Variants in ZC3H4 observed in about 807,000 individuals in gnomAD.
ZC3H4 encodes zinc finger CCCH domain-containing protein 4.
ZC3H4 carries 13 observed loss-of-function variants against 108.3 expected under a neutral mutation model. The observed-to-expected ratio is 0.12, with a 90% CI of 0.08 to 0.19. The LOEUF (loss-of-function observed/expected upper bound fraction) is 0.19, where lower values mean the gene tolerates loss of function less well. ZC3H4 is among the 10% of genes least tolerant of loss of function. The pLI, the probability that ZC3H4 is intolerant of heterozygous loss-of-function variation, is 1.00. For missense variants in ZC3H4, 1,734 were observed against 1,838.8 expected, an observed-to-expected ratio of 0.94 and a Z score of 1.04; for synonymous variants, 917 against 749.6, an observed-to-expected ratio of 1.22 and a Z score of -3.65.
intron 1 of ZC3H4, among the ~76,000 whole-genome samples, chr19:47,112,978 G>A (rs574888640): frequency 6.6e-6 from 1 of 152,264 alleles, no homozygotes; most frequent in East Asian, 1.9e-4. Context: ...AGCGAGGGGG[G>A]TGGGGGGTTA....
chr19:47,103,035 T>C (rs1203168138), intron 2 of ZC3H4, among the ~76,000 whole-genome samples: 2 of 152,136 alleles, frequency 1.3e-5, no homozygotes, highest in African/African-American at 2.4e-5. Flanking sequence ...CCTGAGTATC[T>C]ATTCTTCCAC....
intron 2 of ZC3H4, among the ~76,000 whole-genome samples, chr19:47,101,470 T>TCTCCTGCCTTGGCCTC (rs1204536797): frequency 6.6e-6 from 1 of 151,932 alleles, no homozygotes; most frequent in African/African-American, 2.4e-5. Context: ...GCCTTGGCCT[T>TCTCCTGCCTTGGCCTC]CTCCTGCCTT....
At chr19:47,079,707 C>G (rs1450996653) in intron 11 of ZC3H4, among the ~76,000 whole-genome samples, 1 of 152,178 alleles carries the variant, frequency 6.6e-6, no homozygotes, top group African/African-American at 2.4e-5. Flanking sequence ...ACCAACCTGG[C>G]CAACATGGTG....
rs1444353819 is a variant in ZC3H4, at chr19:47,067,573, A to G, written c.2695T>C (p.Ser899Pro). ...GAATGAAGGCTGCCTTCGGGCTTGG[A>G]GGTGGGCAGGGCGCGAGCCAGCCGA... ...DPRLARALPT[S>P]KPEGSLHSSP... The change falls in exon 15 of 15, where the codon TCC (serine) becomes CCC (proline). Residue 899 changes from serine to proline, a missense_variant. This residue lies in a region of ZC3H4 where 540 missense variants were observed against 484.1 expected (regional missense o/e 1.12). Coordinates refer to ENST00000253048, the MANE Select transcript of ZC3H4 (RefSeq NM_015168.2). The surrounding 1 kb of genome is among the most constrained non-coding windows in gnomAD (Gnocchi z 6.4). 2 of 1,603,428 alleles carry G rather than the reference A, an allele frequency of 1.2e-6. No homozygotes were observed. The highest frequency in any genetic ancestry group is 8.5e-7 in the Non-Finnish European group (1 of 1,175,420).
chr19:47,110,910 G>C, intron 2 of ZC3H4: 1 of 985,284 alleles, frequency 1.0e-6, no homozygotes, highest in Non-Finnish European at 1.2e-6. Context: ...TGCTGCACTT[G>C]TGTCTCTGAA....
chr19:47,093,215 C>CAAAAA lies in ZC3H4; in HGVS notation c.492+750_492+754dup, dbSNP rs918382221. 6.2e-5 allele frequency among the ~76,000 whole-genome samples: 3 copies of CAAAAA among 48,418 alleles called. No homozygotes were observed. In the South Asian group the frequency reaches 2.3e-3, roughly 38 times the overall value. The allele number at this position is 48,418 out of a possible 152,430, so 31.8% of individuals were successfully genotyped here. A position where few individuals can be genotyped will look rare whatever the true frequency, so the allele number is the denominator to read the frequency against. ...TGGGCGACAGAGTGAGACTCTGCCT[C>CAAAAA]AAAAAAAAAAAAAAAAAAAAAAAAA... On this transcript the variant is annotated intron_variant, in intron 4 of 14. Transcript: ENST00000253048.
At chr19:47,068,908 CCT>C (rs1417530458) in intron 14 of ZC3H4, among the ~76,000 whole-genome samples, 182 bp downstream of exon 14, 5 of 152,178 alleles carry the variant, frequency 3.3e-5, no homozygotes, top group African/African-American at 7.2e-5. Context: ...GAAAGCCACC[CCT>C]GACTGCCAGT....
Position 47,082,262 on chromosome 19 carries a change from G to A in ZC3H4, c.1252C>T (p.Leu418Phe), listed in dbSNP as rs768491522. ...DHCNFSHDIE[L>F]PKKRELCKFY... ...TTGCACAGTTCTCGCTTCTTTGGGA[G>A]TTCGATGTCATGGCTAAAATTACAG... is the stretch of plus-strand genomic sequence containing the variant. Residue 418 changes from leucine to phenylalanine, a missense_variant, in exon 10 of 15, where the codon CTC becomes TTC. Leu to Phe is a conservative substitution (Grantham distance 22). This residue lies in a region of ZC3H4 where 66 missense variants were observed against 166.8 expected (regional missense o/e 0.40). Transcript: ENST00000253048. The A allele has an allele frequency of 1.2e-6, 2 of 1,613,964 alleles. No individual in the cohort carries two copies. Among genetic ancestry groups the A allele is most frequent in the Non-Finnish European group, 1.7e-6 (2 of 1,179,970 alleles).
chr19:47,072,052 C>A lies in ZC3H4; in HGVS notation c.1872G>T (p.Met624Ile), dbSNP rs1206860145. ...PGPNMGPPGPMGGPMHPDMHP... is the reference protein window; with the variant it reads ...PGPNMGPPGPIGGPMHPDMHP... ...GCATGTCAGGATGCATTGGACCGCCCATTGGCCCTGGGGGTCCCATGTTGG... is the reference window on the plus strand; with the variant it reads ...GCATGTCAGGATGCATTGGACCGCCAATTGGCCCTGGGGGTCCCATGTTGG... The change falls in exon 13 of 15, where the codon ATG (methionine) becomes ATT (isoleucine). Residue 624 changes from methionine to isoleucine, a missense_variant. Coordinates refer to ENST00000253048, the MANE Select transcript of ZC3H4 (RefSeq NM_015168.2). The surrounding 1 kb of genome is among the most constrained non-coding windows in gnomAD (Gnocchi z 5.6). 2 of 1,584,484 alleles carry A rather than the reference C, an allele frequency of 1.3e-6. No individual in the cohort carries two copies. Among genetic ancestry groups the A allele is most frequent in the Admixed American group, 1.8e-5 (1 of 54,756 alleles).
chr19:47,066,656 G>T lies in ZC3H4; in HGVS notation c.3612C>A (p.Ala1204=), dbSNP rs147880083. The T allele has an allele frequency of 9.9e-6, 16 of 1,611,790 alleles. No individual in the cohort carries two copies. The South Asian group carries it at 1.7e-4, about 17-fold the overall frequency. ...CCGTGGGGGTGCCCCCATCAGCACC[G>T]GCCTTCCCTGTCTCTGGCTGTTCCA... The part of the protein sequence containing the change: ...SALEQPETGK[A]GADGGTPTDR... Residue 1204 remains alanine, a synonymous_variant, in exon 15 of 15, where the codon GCC becomes GCA. Transcript: ENST00000253048.
At chr19:47,107,466 C>T (rs757670931) in intron 2 of ZC3H4, among the ~76,000 whole-genome samples, 42 of 152,224 alleles carry the variant, frequency 2.8e-4, no homozygotes, top group Middle Eastern at 3.4e-3. Context: ...CCACAGTCTT[C>T]CTCCACATCC....
chr19:47,075,621 TACAC>T (rs978577989), intron 11 of ZC3H4, among the ~76,000 whole-genome samples: 4 of 151,108 alleles, frequency 2.6e-5, no homozygotes, highest in Non-Finnish European at 4.4e-5. Flanking sequence ...CACACACACA[TACAC>T]ACACACACTC....
At chr19:47,073,948 A>G (rs1321405954) in intron 11 of ZC3H4, among the ~76,000 whole-genome samples, 1 of 152,088 alleles carries the variant, frequency 6.6e-6, no homozygotes, top group Non-Finnish European at 1.5e-5. Context: ...TCAACTCCTG[A>G]CCATGACCCT....
chr19:47,082,426 GA>G, intron 9 of ZC3H4, 131 bp from the exon 10 acceptor site: 1 of 707,162 alleles, frequency 1.4e-6, no homozygotes, highest in Non-Finnish European at 2.5e-6. Context: ...TCCCCCTTAG[GA>G]AAGGAAGACA....
chr19:47,067,732 C>T lies in ZC3H4; in HGVS notation c.2536G>A (p.Asp846Asn). 1 of 1,606,932 alleles carries T rather than the reference C, an allele frequency of 6.2e-7. No homozygotes were observed. The highest frequency in any genetic ancestry group is 8.5e-7 in the Non-Finnish European group (1 of 1,178,196). ...GGGTGTCCCTTCTGGAGGCGGGGGT[C>T]CCCCAGCCCACTGCTGCTCAGCTCC... is the stretch of plus-strand genomic sequence containing the variant. ...VGELSSSGLG[D>N]PRLQKGHPTG... The change falls in exon 15 of 15, where the codon GAC becomes AAC. Residue 846 changes from aspartate to asparagine, a missense_variant. Asp to Asn is a conservative substitution (Grantham distance 23). Around this residue, in one of 9 missense-constraint regions of ZC3H4, gnomAD observed 540 missense variants for 484.1 expected, o/e 1.12. Coordinates refer to ENST00000253048, the MANE Select transcript of ZC3H4 (RefSeq NM_015168.2). The surrounding 1 kb of genome is among the most constrained non-coding windows in gnomAD (Gnocchi z 6.4).
rs1422371048 is a variant in ZC3H4, at chr19:47,066,351, G to T, written c.*5C>A. The T allele has an allele frequency of 6.5e-7, 1 of 1,528,566 alleles. No individual in the cohort carries two copies. Among genetic ancestry groups the T allele is most frequent in the Admixed American group, 2.1e-5 (1 of 46,524 alleles). The allele number at this position is 1,528,566 out of a possible 1,614,324, so 94.7% of individuals were successfully genotyped here. A position where few individuals can be genotyped will look rare whatever the true frequency, so the allele number is the denominator to read the frequency against. On this transcript the variant is annotated 3_prime_UTR_variant, in exon 15 of 15. Coordinates refer to ENST00000253048, the MANE Select transcript of ZC3H4 (RefSeq NM_015168.2). ...GGTGGCTGGAGCCGCAGCTCTGGCTGGACACTACTGGCAAAAGGGGGAGGC... is the reference window on the plus strand; with the variant it reads ...GGTGGCTGGAGCCGCAGCTCTGGCTTGACACTACTGGCAAAAGGGGGAGGC...
At chr19:47,073,137 G>T (rs769196539) in intron 11 of ZC3H4, among the ~76,000 whole-genome samples, 100 of 151,748 alleles carry the variant, frequency 6.6e-4, no homozygotes, top group Non-Finnish European at 1.3e-3. Context: ...GCCAGGCATG[G>T]TAGTGCACGC....
At position 47,089,996 on chromosome 19, in the gene ZC3H4, C is replaced by G; in HGVS notation, c.686G>C (p.Arg229Pro). The change falls in exon 5 of 15, where the codon CGT (arginine) becomes CCT (proline). Residue 229 changes from arginine to proline, a missense_variant. By Grantham distance (103) the Arg-to-Pro change is moderately radical. This residue lies in a region of ZC3H4 where 403 missense variants were observed against 457.0 expected (regional missense o/e 0.88). Coordinates refer to ENST00000253048, the MANE Select transcript of ZC3H4 (RefSeq NM_015168.2). ...DFTKELNQYR[R>P]AKEGSSRGRG... ...GCCGCGGCTGCTGCCCTCCTTGGCA[C>G]GCCGGTACTGGTTCAGCTCTTTGGT... 1 of 1,614,210 alleles carries G rather than the reference C, an allele frequency of 6.2e-7. No individual in the cohort carries two copies.
At chr19:47,071,391 T>A (rs1034288243) in intron 13 of ZC3H4, among the ~76,000 whole-genome samples, 3 of 152,076 alleles carry the variant, frequency 2.0e-5, no homozygotes, top group Admixed American at 1.3e-4. Flanking sequence ...CGCAGAGTCC[T>A]GGGGTGGACA....
Sources: gnomAD v4.1 joint callset for allele counts (sites outside exome capture counted in the v4.1 genomes callset) on GRCh38, gnomAD v4.1.1 for gene constraint, gnomAD v4.1.1 regional missense constraint, Gnocchi (gnomAD v3.1) non-coding constraint, MANE v1.5 for transcripts, NCBI Gene and HGNC (gene_info 2026-07-23, HGNC 2026-07-21) for gene names.